MED13L: variants seen among roughly 807,000 people sequenced by gnomAD.
MED13L encodes mediator of RNA polymerase II transcription subunit 13-like.
In MED13L, 7 loss-of-function variants were observed where a neutral mutation model predicts 220.9. That is an observed-to-expected ratio of 0.03 (90% CI 0.02 to 0.06). The LOEUF is 0.06. MED13L is among the 10% of genes least tolerant of loss of function. The pLI is 1.00. For synonymous variants in MED13L, 1,011 were observed against 1,015.2 expected (o/e 1.00, Z 0.08); for missense variants, 1,965 against 2,760.5 (o/e 0.71, Z 6.46).
chr12:116,060,870 A>ATTAGTGAATT (rs1372532376), intron 4 of MED13L, among the ~76,000 whole-genome samples: 1 of 152,178 alleles, frequency 6.6e-6, no homozygotes, highest in Admixed American at 6.5e-5. Context: ...ACTAAAGATA[A>ATTAGTGAATT]ATGGAAGTGA....
intron 3 of MED13L, among the ~76,000 whole-genome samples, chr12:116,109,887 A>C (rs1044741723): frequency 2.6e-5 from 4 of 152,210 alleles, no homozygotes; most frequent in Non-Finnish European, 4.4e-5. Flanking sequence ...TGAGAATGAG[A>C]AATAGAGAAA....
intron 12 of MED13L, 121 bp downstream of exon 12, chr12:116,006,185 A>G: frequency 8.1e-7 from 1 of 1,230,328 alleles, no homozygotes; most frequent in South Asian, 1.3e-5. Context: ...ACTATGAAAA[A>G]TATATTAAAG....
chr12:115,988,369 T>C (rs1004779506), intron 17 of MED13L, among the ~76,000 whole-genome samples: 3 of 152,212 alleles, frequency 2.0e-5, no homozygotes, highest in African/African-American at 7.2e-5. Flanking sequence ...CCCATATTCC[T>C]GCATAACCAC....
chr12:116,013,501 C>T (rs975029121), intron 8 of MED13L, among the ~76,000 whole-genome samples: 1 of 152,130 alleles, frequency 6.6e-6, no homozygotes, highest in African/African-American at 2.4e-5. Context: ...ACTTAAGTCC[C>T]ATCCCCAAGA....
intron 13 of MED13L, among the ~76,000 whole-genome samples, chr12:116,004,464 T>C (rs1248512123): frequency 6.6e-6 from 1 of 152,128 alleles, no homozygotes. Flanking sequence ...ATTCCTGCTT[T>C]CGGCATATCA....
intron 2 of MED13L, among the ~76,000 whole-genome samples, chr12:116,174,187 G>A (rs143852685): frequency 4.6e-4 from 70 of 152,188 alleles, no homozygotes; most frequent in Non-Finnish European, 6.6e-4. Context: ...GGCAGTAACC[G>A]AAAGAGACGA....
intron 1 of MED13L, among the ~76,000 whole-genome samples, chr12:116,253,034 G>T (rs932342487): frequency 5.3e-5 from 8 of 152,134 alleles, no homozygotes; most frequent in Non-Finnish European, 8.8e-5. Flanking sequence ...GGCCAAGGCA[G>T]GTGGATCACC....
chr12:116,272,317 C>T (rs1250938184), intron 1 of MED13L, among the ~76,000 whole-genome samples: 1 of 152,194 alleles, frequency 6.6e-6, no homozygotes, highest in Non-Finnish European at 1.5e-5. Flanking sequence ...AATCCCAGCA[C>T]TTTGGGAGGC....
At position 116,011,055 on chromosome 12, in the gene MED13L, G is replaced by GT. The variant is rs1252966973; in HGVS notation, c.1280+1741dup. Among the ~76,000 whole-genome samples, 365 of 146,682 alleles carry GT rather than the reference G, an allele frequency of 2.5e-3. 1 individual carries two copies. The highest frequency in any genetic ancestry group is 5.1e-3 in the African/African-American group (203 of 40,072). On this transcript the variant is annotated intron_variant, in intron 9 of 30. Coordinates refer to ENST00000281928, the MANE Select transcript of MED13L (RefSeq NM_015335.5). ...CCATGGCTGGCTAATTTGTGTTTTT[G>GT]TTTTTTTTTTAAGTAGAAATGGGGT...
intron 4 of MED13L, among the ~76,000 whole-genome samples, chr12:116,065,411 A>C (rs1869845375): frequency 6.6e-6 from 1 of 152,246 alleles, no homozygotes; most frequent in Admixed American, 6.5e-5. Context: ...AAAGTATTTT[A>C]CCACTTCACT....
intron 22 of MED13L, among the ~76,000 whole-genome samples, chr12:115,981,184 C>T (rs891368446): frequency 3.9e-5 from 6 of 152,292 alleles, no homozygotes; most frequent in African/African-American, 1.4e-4. Flanking sequence ...TCAAGTTATA[C>T]TGTCACTTAG....
intron 2 of MED13L, among the ~76,000 whole-genome samples, chr12:116,192,704 C>G (rs1365661448): frequency 2.0e-5 from 3 of 152,126 alleles, no homozygotes; most frequent in African/African-American, 4.8e-5. Context: ...AAAAAACAAC[C>G]CTGACCCTTA....
At chr12:116,164,630 AGC>A (rs1879119576) in intron 2 of MED13L, among the ~76,000 whole-genome samples, 1 of 152,162 alleles carries the variant, frequency 6.6e-6, no homozygotes, top group East Asian at 1.9e-4. Context: ...TTTCCACTAT[AGC>A]TTAAGTATAA....
At chr12:115,976,486 T>C (rs565714420) in intron 23 of MED13L, among the ~76,000 whole-genome samples, 5 of 152,204 alleles carry the variant, frequency 3.3e-5, no homozygotes, top group Non-Finnish European at 7.3e-5. Flanking sequence ...AGTGACTATC[T>C]TTAAGGGATT....
chr12:116,147,076 C>G (rs1236015816), intron 2 of MED13L, among the ~76,000 whole-genome samples: 1 of 152,032 alleles, frequency 6.6e-6, no homozygotes, highest in Non-Finnish European at 1.5e-5. Context: ...GGCCCATTGC[C>G]TCAGAGAAGA....
chr12:116,148,068 AAAAAAAGAGGGGGGCGGGAGTG>A (rs1007210363), intron 2 of MED13L, among the ~76,000 whole-genome samples: 1 of 130,772 alleles, frequency 7.6e-6, no homozygotes, highest in Non-Finnish European at 1.6e-5. Context: ...AAAAAAAAAA[AAAAAAAGAGGGGGGCGGGAGTG>A]GAGGGGGGCG....
chr12:116,114,056 G>T (rs1444479572), intron 2 of MED13L, among the ~76,000 whole-genome samples: 1 of 152,048 alleles, frequency 6.6e-6, no homozygotes, highest in Admixed American at 6.6e-5. Flanking sequence ...TTCTCAGCAA[G>T]GTCTGCCAAT....
intron 4 of MED13L, among the ~76,000 whole-genome samples, chr12:116,053,821 TA>T (rs1868711702): frequency 6.6e-6 from 1 of 152,196 alleles, no homozygotes; most frequent in East Asian, 1.9e-4. Flanking sequence ...GCTTTCACCT[TA>T]AATCAGCTCA....
Position 116,048,136 on chromosome 12 carries a change from T to A in MED13L, c.480-25535A>T, listed in dbSNP as rs145510813. On this transcript the variant is annotated intron_variant, in intron 4 of 30. Coordinates refer to ENST00000281928, the MANE Select transcript of MED13L (RefSeq NM_015335.5). ...TTACTTCTAAAAACCCATTTACTACTCTCTGAACAACCTGGGAACTAAAAT... is the reference window on the plus strand; with the variant it reads ...TTACTTCTAAAAACCCATTTACTACACTCTGAACAACCTGGGAACTAAAAT... Among the ~76,000 whole-genome samples, 515 of 152,154 alleles carry A rather than the reference T, an allele frequency of 3.4e-3. 5 individuals are homozygous for A. The highest frequency in any genetic ancestry group is 0.02 in the Middle Eastern group (6 of 294).
Sources: allele counts gnomAD v4.1 joint callset (sites outside exome capture counted in the v4.1 genomes callset), GRCh38; gene constraint gnomAD v4.1.1; transcripts MANE v1.5; gene names NCBI Gene and HGNC (gene_info 2026-07-23, HGNC 2026-07-21).